The following NDRG1 variants were observed in gnomAD, a reference collection of about 807,000 sequenced individuals.
NDRG1 encodes the protein N-myc downstream regulated 1.
Under a neutral mutation model 56.9 loss-of-function variants are expected in NDRG1, and 32 were observed. The observed-to-expected ratio is 0.56, with a 90% confidence interval of 0.42 to 0.76. The LOEUF (loss-of-function observed/expected upper bound fraction) is 0.76, where lower values mean the gene tolerates loss of function less well. NDRG1 is among the 30% of genes least tolerant of loss of function. The pLI, the probability that NDRG1 is intolerant of heterozygous loss-of-function variation, is 0.00. For synonymous variants in NDRG1, 211 were observed against 204.1 expected (o/e 1.03, Z -0.29); for missense variants, 507 against 545.7 (o/e 0.93, Z 0.71).
At chr8:133,266,194 C>T (rs937333253) in intron 3 of NDRG1, among the ~76,000 whole-genome samples, 5 of 152,244 alleles carry the variant, frequency 3.3e-5, no homozygotes, top group East Asian at 1.9e-4. Context: ...TCAGCCTCCG[C>T]GGGGCCCCAG....
intron 3 of NDRG1, among the ~76,000 whole-genome samples, chr8:133,271,078 G>C (rs1208224588): frequency 6.6e-6 from 1 of 152,198 alleles, no homozygotes; most frequent in Non-Finnish European, 1.5e-5. Context: ...TGGATGATCC[G>C]GAGGGGCTCT....
intron 1 of NDRG1, 71 bp from the exon 2 acceptor site, chr8:133,284,400 A>G: frequency 7.0e-7 from 1 of 1,432,524 alleles, no homozygotes; most frequent in Non-Finnish European, 9.8e-7. Context: ...CAAATCCAAG[A>G]CCAATGGCAA....
intron 13 of NDRG1, among the ~76,000 whole-genome samples, chr8:133,244,971 C>A (rs760460363): frequency 6.6e-6 from 1 of 152,060 alleles, no homozygotes; most frequent in South Asian, 2.1e-4. Flanking sequence ...GCAGCGCTGA[C>A]GGCAAGGGAG....
intron 9 of NDRG1, among the ~76,000 whole-genome samples, chr8:133,251,956 C>G (rs1856070542): frequency 6.6e-6 from 1 of 152,152 alleles, no homozygotes; most frequent in South Asian, 2.1e-4. Flanking sequence ...CAGCCACTAG[C>G]CAAGGAATGC....
intron 13 of NDRG1, among the ~76,000 whole-genome samples, chr8:133,245,706 T>A (rs1442260853): frequency 1.3e-5 from 2 of 152,180 alleles, no homozygotes; most frequent in African/African-American, 4.8e-5. Flanking sequence ...TAAAAGGGAA[T>A]AAATATCTGT....
Position 133,237,849 on chromosome 8 carries a change from C to T in NDRG1, c.*1029G>A, listed in dbSNP as rs1855143581. ...AAAATTCCTGGAACCAAGCTGGGAT[C>T]CACAGAAATCACAACTGCACTGGAT... On this transcript the variant is annotated 3_prime_UTR_variant, in exon 16 of 16. Transcript: ENST00000323851. The T allele has an allele frequency of 8.6e-6, 2 of 233,012 alleles. No homozygotes were observed. The highest frequency in any genetic ancestry group is 1.7e-5 in the Non-Finnish European group (2 of 117,946). 14.4% of individuals were successfully genotyped at this position (233,012 alleles called of 1,614,324 possible).
At chr8:133,254,638 C>G in intron 8 of NDRG1, 43 bp from the exon 9 acceptor site, 4 of 1,601,586 alleles carry the variant, frequency 2.5e-6, no homozygotes, top group Non-Finnish European at 3.4e-6. Context: ...CAGGAGCTAA[C>G]AGTAGTTAAC....
chr8:133,293,824 C>T (rs963495529), intron 1 of NDRG1, among the ~76,000 whole-genome samples: 1 of 152,154 alleles, frequency 6.6e-6, no homozygotes, highest in African/African-American at 2.4e-5. Context: ...GCATTTCAGA[C>T]AAGATTTTCA....
chr8:133,248,585 T>C, intron 11 of NDRG1, 130 bp downstream of exon 11: 1 of 1,135,758 alleles, frequency 8.8e-7, no homozygotes, highest in Non-Finnish European at 1.3e-6. Flanking sequence ...GCTCAGTCTC[T>C]GGGTGGAATA....
intron 1 of NDRG1, among the ~76,000 whole-genome samples, chr8:133,286,636 C>G (rs1246696547): frequency 6.6e-6 from 1 of 152,230 alleles, no homozygotes; most frequent in Non-Finnish European, 1.5e-5. Flanking sequence ...ACCCAGCCCC[C>G]TCACTGCTAA....
intron 3 of NDRG1, among the ~76,000 whole-genome samples, chr8:133,279,419 G>A (rs569097694): frequency 5.9e-5 from 9 of 152,348 alleles, no homozygotes; most frequent in East Asian, 1.9e-4. Flanking sequence ...GAGGAAAAGC[G>A]GAGTTGTTTT....
intron 15 of NDRG1, 112 bp downstream of exon 15, chr8:133,241,911 T>C (rs1855403661): frequency 1.2e-5 from 16 of 1,286,732 alleles, no homozygotes; most frequent in Non-Finnish European, 1.8e-5. Flanking sequence ...CCCAGAAAGC[T>C]GAAGCTGGCC....
At position 133,297,208 on chromosome 8, in the gene NDRG1, G is replaced by A. The variant is rs912622729; in HGVS notation, c.-93C>T. The A allele has an allele frequency of 5.9e-5, 9 of 152,266 alleles. No homozygotes were observed. The highest frequency in any genetic ancestry group is 2.2e-4 in the African/African-American group (9 of 41,444). The allele number at this position is 152,266 out of a possible 1,614,324, so 9.4% of individuals were successfully genotyped here. On this transcript the variant is annotated 5_prime_UTR_variant, in exon 1 of 16. Transcript: ENST00000323851. Reference sequence around the variant, plus strand: ...GCCCCGCGGAAGCCGAGGGCGGATGGTGAACTGACGAGCTTCAGCACCAGC... The same window carrying A: ...GCCCCGCGGAAGCCGAGGGCGGATGATGAACTGACGAGCTTCAGCACCAGC...
At chr8:133,251,126 G>C (rs978791714) in intron 9 of NDRG1, among the ~76,000 whole-genome samples, 7 of 152,216 alleles carry the variant, frequency 4.6e-5, no homozygotes, top group Admixed American at 2.0e-4. Context: ...AAGGGCAATT[G>C]CAACTCCCAC....
intron 1 of NDRG1, among the ~76,000 whole-genome samples, chr8:133,290,678 C>T (rs764416440): frequency 1.3e-5 from 2 of 152,196 alleles, no homozygotes; most frequent in African/African-American, 2.4e-5. Context: ...CAGTCACATG[C>T]CTCTCCTCCA....
chr8:133,244,623 T>G (rs781306071), intron 13 of NDRG1: 2 of 619,082 alleles, frequency 3.2e-6, no homozygotes, highest in Non-Finnish European at 5.8e-6. Flanking sequence ...CCAGGCACTA[T>G]GCTAGGCCCT....
At chr8:133,283,980 C>G (rs1318333522) in intron 2 of NDRG1, among the ~76,000 whole-genome samples, 4 of 152,208 alleles carry the variant, frequency 2.6e-5, no homozygotes, top group African/African-American at 4.8e-5. Context: ...AGGGGCCCAG[C>G]CCTCGATCCT....
intron 7 of NDRG1, 119 bp downstream of exon 7, chr8:133,258,246 AC>A: frequency 1.0e-6 from 1 of 986,302 alleles, no homozygotes; most frequent in Non-Finnish European, 1.6e-6. Flanking sequence ...CACACACACA[AC>A]TGTGGAGAAT....
chr8:133,245,389 A>G (rs1013719812), intron 13 of NDRG1, among the ~76,000 whole-genome samples: 3 of 152,186 alleles, frequency 2.0e-5, no homozygotes, highest in African/African-American at 7.2e-5. Context: ...TATACTTGGA[A>G]ATAGGGTCTT....
Sources: gnomAD v4.1 joint callset for allele counts (sites outside exome capture counted in the v4.1 genomes callset) on GRCh38, gnomAD v4.1.1 for gene constraint, MANE v1.5 for transcripts, NCBI Gene and HGNC (gene_info 2026-07-23, HGNC 2026-07-21) for gene names.